Variants in FGF13 observed in about 807,000 individuals in gnomAD.
FGF13 encodes fibroblast growth factor homologous factor 2.
FGF13 carries 2 observed loss-of-function variants against 19.5 expected under a neutral mutation model. The observed-to-expected ratio is 0.10, with a 90% CI of 0.04 to 0.32. The LOEUF (loss-of-function observed/expected upper bound fraction) is 0.32, where lower values mean the gene tolerates loss of function less well. FGF13 is among the 10% of genes least tolerant of loss of function. The pLI is 1.00. For missense variants in FGF13, 113 were observed against 192.7 expected, an observed-to-expected ratio of 0.59 and a Z score of 2.45; for synonymous variants, 72 against 76.9, an observed-to-expected ratio of 0.94 and a Z score of 0.33.
chrX:138,790,217 A>G (rs2090731943), intron 3 of FGF13, among the ~76,000 whole-genome samples: 1 of 106,865 alleles, frequency 9.4e-6, no homozygotes, highest in Non-Finnish European at 1.9e-5. Context: ...GCAGAAAGCC[A>G]ATTTCCCATT....
rs763773174 is a variant in FGF13, at chrX:139,035,916, T to C, written c.-113+167500A>G. Among the ~76,000 whole-genome samples the C allele has an allele frequency of 2.7e-5, 3 of 112,056 alleles. No individual in the cohort carries two copies. In the South Asian group the frequency reaches 1.1e-3, roughly 42 times the overall value. ...CACATTTCTCAGCAGCCAGTCAAAG[T>C]AACAGCTCAATGTGCAATAATTTCA... is the stretch of plus-strand genomic sequence containing the variant. On this transcript the variant is annotated intron_variant, in intron 1 of 2. Coordinates refer to the FGF13 transcript ENST00000421460.
chrX:139,169,699 C>T (rs1331624497), intron 1 of FGF13, among the ~76,000 whole-genome samples: 1 of 111,165 alleles, frequency 9.0e-6, no homozygotes, highest in Non-Finnish European at 1.9e-5. Context: ...GTTCAAAATG[C>T]CTTGGGAACT....
intron 1 of FGF13, among the ~76,000 whole-genome samples, chrX:139,158,264 G>A (rs752276414): frequency 6.5e-5 from 7 of 108,444 alleles, no homozygotes; most frequent in South Asian, 8.1e-4. Flanking sequence ...AGAGAAAACC[G>A]TTCACTCCCC....
At chrX:138,869,185 T>C (rs2091344925) in intron 1 of FGF13, among the ~76,000 whole-genome samples, 1 of 111,888 alleles carries the variant, frequency 8.9e-6, no homozygotes, top group Non-Finnish European at 1.9e-5. Flanking sequence ...TGTCACCTAT[T>C]GATGCTTTTC....
At chrX:138,814,157 AT>A (rs1569402269) in intron 3 of FGF13, among the ~76,000 whole-genome samples, 1 of 110,622 alleles carries the variant, frequency 9.0e-6, no homozygotes. Context: ...AAATATGTAA[AT>A]TAATTCATAA....
At chrX:138,853,491 C>A (rs776841278), downstream of FGF13, among the ~76,000 whole-genome samples, 3 of 111,023 alleles carry the variant, frequency 2.7e-5, no homozygotes, top group Non-Finnish European at 5.7e-5. Flanking sequence ...GTGGAAGCTG[C>A]CATACTTTAT....
intron 1 of FGF13, among the ~76,000 whole-genome samples, chrX:139,177,238 C>CTTTTTTTTTTT (rs35867493): frequency 4.0e-4 from 20 of 49,923 alleles, no homozygotes; most frequent in Middle Eastern, 0.015. Context: ...GCAACCCCTG[C>CTTTTTTTTTTT]TTTTTTTTTT....
chrX:138,725,981 G>GA lies in FGF13; in HGVS notation c.28+13260dup, dbSNP rs781053987. Among the ~76,000 whole-genome samples, 32 of 109,736 alleles carry GA rather than the reference G, an allele frequency of 2.9e-4. No homozygotes were observed. The East Asian group carries it at 8.7e-3, about 30-fold the overall frequency. On this transcript the variant is annotated intron_variant, in intron 1 of 4. Transcript: ENST00000305414. ...AAACTACAGGCTTGGTGGAATGTCG[G>GA]AAAAAAAACATCCTGGGGTTTGAGT...
chrX:139,054,981 G>A lies in FGF13; in HGVS notation c.-113+148435C>T, dbSNP rs147867227. Among the ~76,000 whole-genome samples the A allele has an allele frequency of 3.2e-3, 356 of 110,227 alleles. 2 individuals carry two copies. The highest frequency in any genetic ancestry group is 0.011 in the African/African-American group (335 of 30,133). On this transcript the variant is annotated intron_variant, in intron 1 of 2. Transcript: ENST00000421460. Reference sequence around the variant, plus strand: ...GGTTGAGTTCTTGATTTGATCCTCCGCTTGGTCGCTGTTGGTGTATAGAAG... The same window carrying A: ...GGTTGAGTTCTTGATTTGATCCTCCACTTGGTCGCTGTTGGTGTATAGAAG...
intron 3 of FGF13, among the ~76,000 whole-genome samples, chrX:138,778,247 G>C (rs764782766): frequency 2.8e-5 from 3 of 108,780 alleles, no homozygotes; most frequent in African/African-American, 6.8e-5. Flanking sequence ...TCAGAGAAAT[G>C]CTAATCAACA....
Position 138,623,354 on chromosome X carries a change from T to C in FGF13, c.*9496A>G, listed in dbSNP as rs986170081. ...GAAGTGCTCCTTCCTCTTCATTTTT[T>C]TGGAAGATTTTGAGAAGGATTGGTA... is the stretch of plus-strand genomic sequence containing the variant. On this transcript the variant is annotated 3_prime_UTR_variant, in exon 5 of 5. Transcript: ENST00000315930. 1 of 111,771 alleles carries C rather than the reference T, an allele frequency of 8.9e-6. No individual in the cohort carries two copies. The highest frequency in any genetic ancestry group is 1.9e-5 in the Non-Finnish European group (1 of 53,209). 9.2% of individuals were successfully genotyped at this position (111,771 alleles called of 1,213,427 possible).
chrX:138,994,810 C>T (rs1335190748), intron 1 of FGF13, among the ~76,000 whole-genome samples: 1 of 110,230 alleles, frequency 9.1e-6, no homozygotes, highest in African/African-American at 3.3e-5. Context: ...TGTTGAAAAG[C>T]ATGTAAACAA....
In FGF13 at chrX:139,050,264, T is replaced by G. The variant is rs1259041818; in HGVS notation, c.-113+153152A>C. Among the ~76,000 whole-genome samples, 4 of 112,035 alleles carry G rather than the reference T, an allele frequency of 3.6e-5. No individual in the cohort carries two copies. In the East Asian group the frequency reaches 1.1e-3, roughly 31 times the overall value. ...CCATCTTGGATATGGTAATCAACTT[T>G]CTTTCTCCAGTCTTAATCAGGGGCT... On this transcript the variant is annotated intron_variant, in intron 1 of 2. Coordinates refer to the FGF13 transcript ENST00000421460.
chrX:138,659,019 A>G (rs143175071), intron 3 of FGF13, among the ~76,000 whole-genome samples: 1,598 of 111,703 alleles, frequency 0.014, 29 homozygotes, highest in African/African-American at 0.049. Context: ...TTTTCTATCA[A>G]TCTTACATAA....
intron 1 of FGF13, among the ~76,000 whole-genome samples, chrX:138,947,493 A>G (rs750193808): frequency 9.5e-6 from 1 of 105,548 alleles, no homozygotes; most frequent in Non-Finnish European, 1.9e-5. Flanking sequence ...ACTGATTGTG[A>G]AGAAAAAATA....
chrX:138,864,177 A>G (rs2091304484), intron 2 of FGF13, among the ~76,000 whole-genome samples: 1 of 112,310 alleles, frequency 8.9e-6, no homozygotes, highest in Non-Finnish European at 1.9e-5. Context: ...CCTTTGTCCT[A>G]CAAACCTCTT....
At chrX:138,905,951 A>G (rs2091556155) in intron 1 of FGF13, among the ~76,000 whole-genome samples, 1 of 111,841 alleles carries the variant, frequency 8.9e-6, no homozygotes. Context: ...GTTGGAGTTT[A>G]TAATGACAAG....
chrX:138,970,076 T>C (rs2091909402), intron 1 of FGF13, among the ~76,000 whole-genome samples: 1 of 111,834 alleles, frequency 8.9e-6, no homozygotes, highest in African/African-American at 3.3e-5. Context: ...AATTCACACT[T>C]TGTGAACACA....
chrX:138,719,737 A>T (rs1374707042), intron 1 of FGF13, among the ~76,000 whole-genome samples: 1 of 112,644 alleles, frequency 8.9e-6, no homozygotes, highest in Admixed American at 9.4e-5. Flanking sequence ...ATCCTTTTGC[A>T]ATTAGGAGCT....
Sources: gnomAD v4.1 joint callset for allele counts (sites outside exome capture counted in the v4.1 genomes callset) on GRCh38, gnomAD v4.1.1 for gene constraint, MANE v1.5 for transcripts, NCBI Gene and HGNC (gene_info 2026-07-23, HGNC 2026-07-21) for gene names.